Variants in JAKMIP2 observed in about 807,000 individuals in gnomAD.
The protein encoded by JAKMIP2 is janus kinase and microtubule interacting protein 2, also known as janus kinase and microtubule-interacting protein 2.
In JAKMIP2, 25 loss-of-function variants were observed where a neutral mutation model predicts 115.0. The observed-to-expected ratio is 0.22, with a 90% CI of 0.16 to 0.30. The LOEUF is 0.30. Ranked by LOEUF, JAKMIP2 falls within the 10% of genes least tolerant of loss-of-function variation. The pLI is 1.00. For synonymous variants in JAKMIP2, 334 were observed against 343.6 expected, an observed-to-expected ratio of 0.97 and a Z score of 0.31; for missense variants, 642 against 957.6, an observed-to-expected ratio of 0.67 and a Z score of 4.35.
intron 1 of JAKMIP2, among the ~76,000 whole-genome samples, chr5:147,685,714 T>C (rs1490695969): frequency 6.6e-6 from 1 of 152,196 alleles, no homozygotes; most frequent in Admixed American, 6.5e-5. Flanking sequence ...AGAAATAAAC[T>C]TCAACATAAT....
intron 1 of JAKMIP2, among the ~76,000 whole-genome samples, chr5:147,741,129 GCTCGC>G (rs1260343846): frequency 6.6e-6 from 1 of 151,944 alleles, no homozygotes; most frequent in Non-Finnish European, 1.5e-5. Flanking sequence ...TAAAATATAA[GCTCGC>G]TAAGGTAAAT....
chr5:147,750,425 A>AGC (rs1754505616), intron 1 of JAKMIP2, among the ~76,000 whole-genome samples: 1 of 152,068 alleles, frequency 6.6e-6, no homozygotes, highest in African/African-American at 2.4e-5. Context: ...TGTTATACTC[A>AGC]CTTATTTAGA....
chr5:147,705,931 G>T (rs920675736), intron 1 of JAKMIP2, among the ~76,000 whole-genome samples: 1 of 152,212 alleles, frequency 6.6e-6, no homozygotes, highest in Non-Finnish European at 1.5e-5. Context: ...CAAGCTTTCT[G>T]CAGAGTAATC....
intron 1 of JAKMIP2, among the ~76,000 whole-genome samples, chr5:147,680,929 A>G (rs963046020): frequency 3.3e-5 from 5 of 152,224 alleles, no homozygotes; most frequent in African/African-American, 9.6e-5. Flanking sequence ...CACATTCAGC[A>G]TAGTAGCAAT....
rs1758259519 is a variant in JAKMIP2, at chr5:147,648,904, A to T, written c.838-430T>A. On this transcript the variant is annotated intron_variant, in intron 4 of 21. Transcript: ENST00000616793. The stretch of plus-strand genomic sequence containing the variant: ...TATTACCATTAGCCACAGAGGGGAG[A>T]GAGTAGGAGGTAGGGATTAATATTG... 2.0e-5 allele frequency among the ~76,000 whole-genome samples: 3 copies of T among 152,172 alleles called. No individual in the cohort carries two copies. The South Asian group carries it at 6.2e-4, about 32-fold the overall frequency.
At position 147,585,664 on chromosome 5, in the gene JAKMIP2, A is replaced by G. The variant is rs1490415611; in HGVS notation, c.*6043T>C. 2 of 152,180 alleles carry G rather than the reference A, an allele frequency of 1.3e-5. No individual in the cohort carries two copies. Among genetic ancestry groups the G allele is most frequent in the Non-Finnish European group, 2.9e-5 (2 of 68,036 alleles). The allele number at this position is 152,180 out of a possible 1,614,324, so 9.4% of individuals were successfully genotyped here. A position where few individuals can be genotyped will look rare whatever the true frequency, so the allele number is the denominator to read the frequency against. On this transcript the variant is annotated 3_prime_UTR_variant, in exon 22 of 22. Coordinates refer to ENST00000616793, the MANE Select transcript of JAKMIP2 (RefSeq NM_001270941.2). ...CAATTTTTATTTTTCTTTCATTAAT[A>G]AACAAGCACTGAAGTGATATATGGA...
At chr5:147,702,953 A>G (rs1386798664) in intron 1 of JAKMIP2, among the ~76,000 whole-genome samples, 1 of 152,178 alleles carries the variant, frequency 6.6e-6, no homozygotes, top group East Asian at 1.9e-4. Flanking sequence ...CAAGACATTA[A>G]AAATCCTATA....
intron 1 of JAKMIP2, among the ~76,000 whole-genome samples, chr5:147,683,867 T>C (rs955832781): frequency 6.6e-6 from 1 of 152,208 alleles, no homozygotes; most frequent in African/African-American, 2.4e-5. Context: ...TTGGATAAAA[T>C]AGCTTTCGGA....
At position 147,644,167 on chromosome 5, in the gene JAKMIP2, T is replaced by G; in HGVS notation, c.1115A>C (p.Lys372Thr). ...REKITSHPPL[K>T]KLKSLNDLDQ... ...GAGGTCATTCAGAGATTTTAATTTC[T>G]TCAGGGGTGGATGGGATGTTATTTT... The change falls in exon 7 of 22, where the codon AAG becomes ACG. Residue 372 changes from lysine (K) to threonine (T), a missense_variant. Physicochemically the swap from Lys to Thr is moderately conservative, Grantham distance 78 (BLOSUM62 -1). Transcript: ENST00000616793. The G allele has an allele frequency of 6.2e-7, 1 of 1,600,242 alleles. No individual in the cohort carries two copies. Among genetic ancestry groups the G allele is most frequent in the Non-Finnish European group, 8.5e-7 (1 of 1,170,056 alleles).
At chr5:147,746,948 T>C (rs562712057) in intron 1 of JAKMIP2, among the ~76,000 whole-genome samples, 1 of 152,326 alleles carries the variant, frequency 6.6e-6, no homozygotes, top group Non-Finnish European at 1.5e-5. Flanking sequence ...CATAAGTTAG[T>C]GCTTTAAGGC....
chr5:147,755,293 C>T (rs1356965704), intron 1 of JAKMIP2, among the ~76,000 whole-genome samples: 1 of 152,102 alleles, frequency 6.6e-6, no homozygotes, highest in Non-Finnish European at 1.5e-5. Context: ...CAATGTATAT[C>T]TTATACATAT....
chr5:147,603,599 T>C (rs981199236), intron 20 of JAKMIP2, among the ~76,000 whole-genome samples: 4 of 152,222 alleles, frequency 2.6e-5, no homozygotes, highest in Non-Finnish European at 5.9e-5. Flanking sequence ...AGAAGGTGAA[T>C]CATAAACCTC....
intron 1 of JAKMIP2, among the ~76,000 whole-genome samples, chr5:147,711,164 C>T (rs1480995672): frequency 6.6e-6 from 1 of 152,112 alleles, no homozygotes; most frequent in African/African-American, 2.4e-5. Flanking sequence ...ATGACCATTA[C>T]TGCCAAGAAA....
At chr5:147,671,634 C>G (rs1287323413) in intron 2 of JAKMIP2, 44 bp downstream of exon 2, 1 of 1,355,826 alleles carries the variant, frequency 7.4e-7, no homozygotes, top group African/African-American at 1.5e-5. Context: ...TGGACACAGC[C>G]AGAGCTGCTC....
chr5:147,723,961 A>T (rs1753417177), intron 1 of JAKMIP2, among the ~76,000 whole-genome samples: 1 of 152,232 alleles, frequency 6.6e-6, no homozygotes, highest in East Asian at 1.9e-4. Flanking sequence ...GTATTCTCAC[A>T]TCTCCAGAGG....
Position 147,632,717 on chromosome 5 carries a change from TG to T in JAKMIP2, c.1738del (p.Gln580ArgfsTer10). ...GTTTCGAAACTCCAGCAGCTCATTC[TG>T]GTCTCTGGCGTCCTGTAGTTCTTGT... Reference protein sequence around the residue: ...LQQELQDARDQNELLEFRNLE... With the variant: ...LQQELQDARDXNELLEFRNLE... On this transcript the variant is annotated frameshift_variant, in exon 13 of 22. Coordinates refer to ENST00000616793, the MANE Select transcript of JAKMIP2 (RefSeq NM_001270941.2). LOFTEE classifies it high-confidence loss of function. 6.2e-7 allele frequency: 1 copy of T among 1,613,140 alleles called. No individual in the cohort carries two copies. The highest frequency in any genetic ancestry group is 8.5e-7 in the Non-Finnish European group (1 of 1,179,402).
At chr5:147,597,806 G>A (rs561641933) in intron 21 of JAKMIP2, among the ~76,000 whole-genome samples, 18 of 152,198 alleles carry the variant, frequency 1.2e-4, no homozygotes, top group Middle Eastern at 3.4e-3. Context: ...TTAATCCCTA[G>A]TGCAACAGTG....
At chr5:147,637,583 G>A (rs1236471052) in intron 10 of JAKMIP2, among the ~76,000 whole-genome samples, 1 of 151,810 alleles carries the variant, frequency 6.6e-6, no homozygotes, top group Non-Finnish European at 1.5e-5. Context: ...TGGATTACAG[G>A]CACCGGCCAC....
chr5:147,601,386 T>C (rs1236639386), intron 21 of JAKMIP2, among the ~76,000 whole-genome samples: 3 of 152,034 alleles, frequency 2.0e-5, no homozygotes, highest in Non-Finnish European at 4.4e-5. Flanking sequence ...AGCTCTGAAG[T>C]TCAAGACTAC....
Sources: allele counts gnomAD v4.1 joint callset (sites outside exome capture counted in the v4.1 genomes callset), GRCh38; gene constraint gnomAD v4.1.1; transcripts MANE v1.5; gene names NCBI Gene and HGNC (gene_info 2026-07-23, HGNC 2026-07-21).